Variants in CSMD3 observed in about 807,000 individuals in gnomAD.
CSMD3 encodes the protein CUB and Sushi multiple domains 3.
Under a neutral mutation model 435.2 loss-of-function variants are expected in CSMD3, and 177 were observed. The observed-to-expected ratio is 0.41, with a 90% CI of 0.36 to 0.46. CSMD3 has a LOEUF of 0.46. Ranked by LOEUF, CSMD3 falls within the 20% of genes least tolerant of loss-of-function variation. The pLI is 0.34. For synonymous variants in CSMD3, 1,656 were observed against 1,520.5 expected (o/e 1.09, Z -2.07); for missense variants, 4,265 against 4,504.6 (o/e 0.95, Z 1.52).
intron 3 of CSMD3, among the ~76,000 whole-genome samples, chr8:113,254,217 T>C (rs72670715): frequency 0.11 from 17,316 of 152,212 alleles, 1,593 homozygotes; most frequent in African/African-American, 0.25. Flanking sequence ...AGAGAGTCCT[T>C]GGTAAGGTTT....
chr8:113,059,905 T>C (rs2088529995), intron 5 of CSMD3, among the ~76,000 whole-genome samples: 1 of 152,194 alleles, frequency 6.6e-6, no homozygotes, highest in Admixed American at 6.5e-5. Flanking sequence ...TAATTTTTTT[T>C]CTTTTAATAT....
At chr8:112,618,295 T>C (rs952315784) in intron 22 of CSMD3, among the ~76,000 whole-genome samples, 6 of 152,062 alleles carry the variant, frequency 3.9e-5, no homozygotes, top group African/African-American at 1.4e-4. Context: ...AATTGAGAAA[T>C]AATAATTAGG....
intron 13 of CSMD3, among the ~76,000 whole-genome samples, chr8:112,768,650 G>A (rs2078038623): frequency 6.6e-6 from 1 of 151,936 alleles, no homozygotes; most frequent in South Asian, 2.1e-4. Flanking sequence ...AGTACTTTGA[G>A]TAGTAGTGGA....
chr8:112,325,646 T>C (rs1823435090), intron 45 of CSMD3, among the ~76,000 whole-genome samples: 1 of 151,974 alleles, frequency 6.6e-6, no homozygotes, highest in East Asian at 1.9e-4. Context: ...GATGCCGAAT[T>C]AGTGTATATA....
At chr8:112,717,077 A>T (rs2076748334) in intron 13 of CSMD3, among the ~76,000 whole-genome samples, 1 of 152,212 alleles carries the variant, frequency 6.6e-6, no homozygotes, top group Admixed American at 6.5e-5. Flanking sequence ...ATGGGATCTA[A>T]TTAAGCTAAA....
At chr8:112,494,127 G>A (rs1476228263) in intron 30 of CSMD3, among the ~76,000 whole-genome samples, 1 of 151,980 alleles carries the variant, frequency 6.6e-6, no homozygotes, top group Non-Finnish European at 1.5e-5. Flanking sequence ...GCATTTTTAA[G>A]AAATAATGAG....
chr8:112,941,775 A>G (rs1028201684), intron 9 of CSMD3, among the ~76,000 whole-genome samples: 1 of 151,682 alleles, frequency 6.6e-6, no homozygotes, highest in East Asian at 1.9e-4. Context: ...CTTTATTTTT[A>G]ATTTTAATAG....
intron 3 of CSMD3, among the ~76,000 whole-genome samples, chr8:113,262,192 A>G (rs1162860362): frequency 2.0e-5 from 3 of 152,074 alleles, no homozygotes; most frequent in Non-Finnish European, 4.4e-5. Context: ...TTTGTAACCT[A>G]TAAGAGGAAG....
Position 113,098,830 on chromosome 8 carries a change from G to C in CSMD3, c.843C>G (p.Leu281=), listed in dbSNP as rs2131546554. 2.5e-6 allele frequency: 4 copies of C among 1,612,724 alleles called. No individual in the cohort carries two copies. Among genetic ancestry groups the C allele is most frequent in the Non-Finnish European group, 3.4e-6 (4 of 1,179,034 alleles). The stretch of plus-strand genomic sequence containing the variant: ...CTTCCATTTGAAAATCAGTAAATAT[G>C]AGTGAAATTGTGTCCCCAGGCTCTG... ...IVAEPGDTIS[L]IFTDFQMEEK... The change falls in exon 5 of 71, where the codon CTC becomes CTG. Residue 281 remains leucine, a synonymous_variant. Coordinates refer to ENST00000297405, the MANE Select transcript of CSMD3 (RefSeq NM_198123.2).
chr8:112,373,023 T>TG (rs1563856821), intron 38 of CSMD3, among the ~76,000 whole-genome samples: 3 of 49,224 alleles, frequency 6.1e-5, no homozygotes, highest in Non-Finnish European at 1.5e-4. Context: ...TATATATATA[T>TG]TTTTTTTCTC....
intron 3 of CSMD3, among the ~76,000 whole-genome samples, chr8:113,195,869 C>CT (rs1452194824): frequency 6.8e-6 from 1 of 147,318 alleles, no homozygotes; most frequent in African/African-American, 2.5e-5. Flanking sequence ...ATATAGTGCT[C>CT]AGTGTTAAGG....
chr8:113,179,560 T>C (rs1035930099), intron 3 of CSMD3, among the ~76,000 whole-genome samples: 3 of 151,808 alleles, frequency 2.0e-5, no homozygotes, highest in African/African-American at 7.2e-5. Flanking sequence ...AAGTCCCCTA[T>C]AGGTGTCATT....
intron 45 of CSMD3, among the ~76,000 whole-genome samples, chr8:112,322,314 T>A (rs1349865840): frequency 6.6e-6 from 1 of 152,094 alleles, no homozygotes; most frequent in Admixed American, 6.6e-5. Flanking sequence ...AAGGTTGTAA[T>A]TTTTTACTAA....
intron 1 of CSMD3, among the ~76,000 whole-genome samples, chr8:113,402,155 C>T (rs998895440): frequency 6.6e-6 from 1 of 151,252 alleles, no homozygotes; most frequent in Non-Finnish European, 1.5e-5. Context: ...TTTTGAGTCA[C>T]TATCTTAAAT....
intron 6 of CSMD3, among the ~76,000 whole-genome samples, chr8:112,998,997 C>T (rs185175948): frequency 1.3e-5 from 2 of 152,098 alleles, no homozygotes; most frequent in Admixed American, 6.6e-5. Flanking sequence ...ATTACCCAAT[C>T]TCAGGTATTT....
intron 32 of CSMD3, among the ~76,000 whole-genome samples, chr8:112,444,846 A>G (rs924880328): frequency 6.6e-6 from 1 of 152,214 alleles, no homozygotes; most frequent in African/African-American, 2.4e-5. Context: ...ACTTAAGATC[A>G]CTGTATTTCA....
chr8:112,287,333 T>C, intron 57 of CSMD3, 87 bp from the exon 58 acceptor site: 1 of 1,231,468 alleles, frequency 8.1e-7, no homozygotes, highest in Non-Finnish European at 1.2e-6. Flanking sequence ...TAGGCATTTG[T>C]TTTTGTGCAT....
Position 112,319,971 on chromosome 8 carries a change from T to C in CSMD3, c.7176A>G (p.Leu2392=), listed in dbSNP as rs1460838326. The change falls in exon 46 of 71, where the codon CTA becomes CTG. Residue 2392 remains leucine (L), a synonymous_variant. Coordinates refer to ENST00000297405, the MANE Select transcript of CSMD3 (RefSeq NM_198123.2). ...CAGGTGGTGGAGGTTGGCACACCCT[T>C]AGTTGATAGGCTACAAAAATAAACA... is the stretch of plus-strand genomic sequence containing the variant. ...FFVLSYHAYQ[L]RVCQPPPPVP... 1.2e-6 allele frequency: 2 copies of C among 1,609,918 alleles called. No homozygotes were observed. The highest frequency in any genetic ancestry group is 3.3e-5 in the Admixed American group (2 of 59,884).
chr8:112,353,512 AT>A (rs752426049), intron 38 of CSMD3, among the ~76,000 whole-genome samples: 16 of 152,304 alleles, frequency 1.1e-4, no homozygotes, highest in East Asian at 5.8e-4. Flanking sequence ...CACTTTCATT[AT>A]TTTTATTAGG....
Sources: gnomAD v4.1 joint callset for allele counts (sites outside exome capture counted in the v4.1 genomes callset) on GRCh38, gnomAD v4.1.1 for gene constraint, MANE v1.5 for transcripts, NCBI Gene and HGNC (gene_info 2026-07-23, HGNC 2026-07-21) for gene names.